The following CTRB1 variants were observed in gnomAD, a reference collection of about 807,000 sequenced individuals.
CTRB1 encodes chymotrypsinogen B1, also known as chymotrypsinogen B.
CTRB1 carries 15 observed loss-of-function variants against 20.4 expected under a neutral mutation model. That is an observed-to-expected ratio of 0.74 (90% CI 0.49 to 1.13). CTRB1 has a LOEUF of 1.13. CTRB1 is among the 50% of genes most tolerant of loss of function. The pLI is 0.00. For missense variants in CTRB1, 227 were observed against 290.1 expected (o/e 0.78, Z 1.58); for synonymous variants, 92 against 128.4 (o/e 0.72, Z 1.92).
At chr16:75,224,298 CAG>C (rs1293349987) in intron 6 of CTRB1, 110 bp downstream of exon 6, 3 of 1,539,434 alleles carry the variant, frequency 1.9e-6, no homozygotes, top group Non-Finnish European at 1.8e-6. Flanking sequence ...TCCTGGGTGT[CAG>C]AGTCGCCTTG....
At chr16:75,222,439 G>C (rs2076700526) in intron 1 of CTRB1, among the ~76,000 whole-genome samples, 1 of 152,170 alleles carries the variant, frequency 6.6e-6, no homozygotes. Context: ...CCCGGTCTAG[G>C]GTCACACGGC....
chr16:75,219,247 C>T (rs1597127280), intron 1 of CTRB1, among the ~76,000 whole-genome samples, 188 bp downstream of exon 1: 1 of 152,156 alleles, frequency 6.6e-6, no homozygotes, highest in East Asian at 1.9e-4. Flanking sequence ...AAGGACGATG[C>T]TGGTCTCTGC....
chr16:75,224,557 A>G, intron 6 of CTRB1, 148 bp from the exon 7 acceptor site: 2 of 940,766 alleles, frequency 2.1e-6, no homozygotes, highest in South Asian at 1.7e-5. Context: ...AGCAGCTACT[A>G]GGGTCTTTCA....
intron 1 of CTRB1, 126 bp downstream of exon 1, chr16:75,219,185 G>T: frequency 1.0e-6 from 1 of 978,574 alleles, no homozygotes; most frequent in Admixed American, 2.5e-5. Flanking sequence ...GGGCTCAGGA[G>T]AGGGTGCATT....
chr16:75,224,876 T>A lies in CTRB1; in HGVS notation c.*10T>A, dbSNP rs200220875. On this transcript the variant is annotated 3_prime_UTR_variant, in exon 7 of 7. Coordinates refer to ENST00000361017, the MANE Select transcript of CTRB1 (RefSeq NM_001906.6). ...CCTGGCTGCCAACTGAGCCCGCGGC[T>A]CCCTCCGACCCTGCTCCCCACAGAG... The A allele has an allele frequency of 4.0e-5, 65 of 1,613,126 alleles. No individual in the cohort carries two copies. The African/African-American group carries it at 8.1e-4, about 20-fold the overall frequency.
At chr16:75,224,333 T>G (rs1323885472) in intron 6 of CTRB1, 145 bp downstream of exon 6, 1 of 1,453,810 alleles carries the variant, frequency 6.9e-7, no homozygotes, top group Non-Finnish European at 9.4e-7. Flanking sequence ...ATGGCCAATG[T>G]CAGAGCCAAT....
chr16:75,219,124 G>C, intron 1 of CTRB1, 65 bp downstream of exon 1: 2 of 1,510,200 alleles, frequency 1.3e-6, no homozygotes, highest in Non-Finnish European at 1.8e-6. Flanking sequence ...AGGGGGATCT[G>C]AGTCCCCTGC....
chr16:75,219,122 C>G (rs897178263), intron 1 of CTRB1, 63 bp downstream of exon 1: 2 of 1,507,244 alleles, frequency 1.3e-6, no homozygotes, highest in East Asian at 2.4e-5. Context: ...AGAGGGGGAT[C>G]TGAGTCCCCT....
At chr16:75,220,571 A>G (rs2039069479) in intron 1 of CTRB1, among the ~76,000 whole-genome samples, 1 of 152,038 alleles carries the variant, frequency 6.6e-6, no homozygotes, top group Non-Finnish European at 1.5e-5. Context: ...GCTGGATTAC[A>G]GGTGTGAGCC....
chr16:75,224,766 T>C lies in CTRB1; in HGVS notation c.692T>C (p.Val231Ala). The C allele has an allele frequency of 6.2e-7, 1 of 1,613,594 alleles. No individual in the cohort carries two copies. Among genetic ancestry groups the C allele is most frequent in the Non-Finnish European group, 8.5e-7 (1 of 1,179,926 alleles). Residue 231 changes from valine to alanine, a missense_variant, in exon 7 of 7, where the codon GTG (valine) becomes GCG (alanine). By Grantham distance (64) the Val-to-Ala change is moderately conservative. Coordinates refer to ENST00000361017, the MANE Select transcript of CTRB1 (RefSeq NM_001906.6). ...KDGAWTLVGIVSWGSDTCSTS... is the reference protein window; with the variant it reads ...KDGAWTLVGIASWGSDTCSTS... ...GGAGCCTGGACCCTGGTGGGCATTG[T>C]GTCCTGGGGCAGCGACACCTGCTCC...
At chr16:75,219,873 T>C (rs2039055807) in intron 1 of CTRB1, among the ~76,000 whole-genome samples, 1 of 152,250 alleles carries the variant, frequency 6.6e-6, no homozygotes, top group Non-Finnish European at 1.5e-5. Flanking sequence ...ATTCTGAACT[T>C]TCTATGAATA....
Position 75,224,848 on chromosome 16 carries a change from G to T in CTRB1, c.774G>T (p.Lys258Asn). The part of the protein sequence containing the change: ...RVTKLIPWVQ[K>N]ILAAN ...CCAAGCTCATACCTTGGGTGCAGAA[G>T]ATCCTGGCTGCCAACTGAGCCCGCG... The change falls in exon 7 of 7, where the codon AAG becomes AAT. Residue 258 changes from lysine (K) to asparagine (N), a missense_variant. Coordinates refer to ENST00000361017, the MANE Select transcript of CTRB1 (RefSeq NM_001906.6). The T allele has an allele frequency of 6.2e-7, 1 of 1,613,924 alleles. No individual in the cohort carries two copies. Among genetic ancestry groups the T allele is most frequent in the Non-Finnish European group, 8.5e-7 (1 of 1,180,030 alleles).
In CTRB1 at chr16:75,224,883, G is replaced by T; in HGVS notation, c.*17G>T. ...GCCAACTGAGCCCGCGGCTCCCTCC[G>T]ACCCTGCTCCCCACAGAGCCTCAGT... On this transcript the variant is annotated 3_prime_UTR_variant, in exon 7 of 7. Coordinates refer to ENST00000361017, the MANE Select transcript of CTRB1 (RefSeq NM_001906.6). 1.2e-6 allele frequency: 2 copies of T among 1,612,768 alleles called. No individual in the cohort carries two copies. The highest frequency in any genetic ancestry group is 1.7e-6 in the Non-Finnish European group (2 of 1,179,906).
intron 1 of CTRB1, among the ~76,000 whole-genome samples, chr16:75,219,631 G>T (rs1041890747): frequency 5.9e-5 from 9 of 152,046 alleles, no homozygotes; most frequent in Non-Finnish European, 1.3e-4. Flanking sequence ...TGATGCCCCC[G>T]CCTCGGCCTC....
chr16:75,219,820 G>T (rs2039054832), intron 1 of CTRB1, among the ~76,000 whole-genome samples: 3 of 152,174 alleles, frequency 2.0e-5, no homozygotes, highest in Non-Finnish European at 2.9e-5. Flanking sequence ...TTGTACTCAG[G>T]CTTCCCTTTT....
At chr16:75,224,325 G>T in intron 6 of CTRB1, 137 bp downstream of exon 6, 1 of 1,498,016 alleles carries the variant, frequency 6.7e-7, no homozygotes, top group Admixed American at 2.0e-5. Flanking sequence ...AAAATTCCAT[G>T]GCCAATGTCA....
chr16:75,222,624 ACCAGGGAGG>A (rs2076702436), intron 1 of CTRB1, 135 bp from the exon 2 acceptor site: 1 of 829,164 alleles, frequency 1.2e-6, no homozygotes, highest in Non-Finnish European at 1.8e-6. Flanking sequence ...AGACTTGGGG[ACCAGGGAGG>A]CGGAGGCGGC....
At chr16:75,220,182 A>G (rs997461484) in intron 1 of CTRB1, among the ~76,000 whole-genome samples, 1 of 141,840 alleles carries the variant, frequency 7.1e-6, no homozygotes, top group Non-Finnish European at 1.6e-5. Flanking sequence ...TTTTTTTGTT[A>G]TTTTTTTTTC....
intron 1 of CTRB1, among the ~76,000 whole-genome samples, chr16:75,220,339 A>C (rs1442040578): frequency 6.6e-6 from 1 of 152,070 alleles, no homozygotes; most frequent in Non-Finnish European, 1.5e-5. Context: ...ATGCATCACC[A>C]CACCTGGCTA....
Sources: gnomAD v4.1 joint callset for allele counts (sites outside exome capture counted in the v4.1 genomes callset) on GRCh38, gnomAD v4.1.1 for gene constraint, MANE v1.5 for transcripts, NCBI Gene and HGNC (gene_info 2026-07-23, HGNC 2026-07-21) for gene names.